The following FCHSD1 variants were observed in gnomAD, a reference collection of about 807,000 sequenced individuals.
The protein encoded by FCHSD1 is FCH and double SH3 domains 1.
FCHSD1 carries 109 observed loss-of-function variants against 101.3 expected under a neutral mutation model. The ratio of observed to expected loss-of-function variants is 1.08; its 90% CI spans 0.92 to 1.26. FCHSD1 has a LOEUF of 1.26. Ranked by LOEUF, FCHSD1 falls within the 50% of genes most tolerant of loss-of-function variation. The pLI, the probability that FCHSD1 is intolerant of heterozygous loss-of-function variation, is 0.00. For missense variants in FCHSD1, 820 were observed against 895.8 expected (o/e 0.92, Z 1.08); for synonymous variants, 291 against 356.8 (o/e 0.82, Z 2.08).
In FCHSD1 at chr5:141,640,061, G is replaced by A. The variant is rs1487509577; in HGVS notation, c.*1437C>T. 2.5e-6 allele frequency: 4 copies of A among 1,613,418 alleles called. No homozygotes were observed. The highest frequency in any genetic ancestry group is 1.7e-5 in the Admixed American group (1 of 59,986). ...CTGGGGGAGGGCAGCCCAAGGCAGG[G>A]ATGCCTGCCATGGAGAGGCTGCCCC... On this transcript the variant is annotated 3_prime_UTR_variant, in exon 20 of 20. Transcript: ENST00000435817.
intron 12 of FCHSD1, 63 bp downstream of exon 12, chr5:141,646,024 G>A (rs1396844351): frequency 1.1e-5 from 17 of 1,551,118 alleles, no homozygotes; most frequent in Non-Finnish European, 1.5e-5. Flanking sequence ...ATCAGAAAGA[G>A]GAGTAGAGGG....
In FCHSD1 at chr5:141,641,043, A is replaced by T; in HGVS notation, c.*455T>A. 3 of 346,990 alleles carry T rather than the reference A, an allele frequency of 8.6e-6. No homozygotes were observed. 21.5% of individuals were successfully genotyped at this position (346,990 alleles called of 1,614,324 possible). On this transcript the variant is annotated 3_prime_UTR_variant, in exon 20 of 20. Coordinates refer to ENST00000435817, the MANE Select transcript of FCHSD1 (RefSeq NM_033449.3). ...GCCTTCGTGCCCTTTATTCATTGTC[A>T]ATAAATCCGCTCAGACCATTACAGC...
chr5:141,650,897 G>A, intron 2 of FCHSD1, 123 bp downstream of exon 2: 1 of 897,134 alleles, frequency 1.1e-6, no homozygotes, highest in Non-Finnish European at 1.8e-6. Context: ...TAGGGTGAGG[G>A]CTGTGGATGG....
chr5:141,646,786 T>C (rs2099907722), intron 10 of FCHSD1, 64 bp from the exon 11 acceptor site: 10 of 1,566,200 alleles, frequency 6.4e-6, no homozygotes, highest in Non-Finnish European at 8.6e-6. Context: ...AGTTCCCTCC[T>C]TTTTCCACTC....
chr5:141,650,365 A>G lies in FCHSD1; in HGVS notation c.159T>C (p.Tyr53=). 1 of 1,613,934 alleles carries G rather than the reference A, an allele frequency of 6.2e-7. No individual in the cohort carries two copies. Among genetic ancestry groups the G allele is most frequent in the Non-Finnish European group, 8.5e-7 (1 of 1,179,890 alleles). Residue 53 remains tyrosine (Y), a synonymous_variant, in exon 3 of 20, where the codon TAT becomes TAC. Coordinates refer to ENST00000435817, the MANE Select transcript of FCHSD1 (RefSeq NM_033449.3). ...SKQRAAIERE[Y]GQALQKLAGP... ...CCAGAGAAAAGTCCCATACCTGCCC[A>G]TACTCCCGTTCAATGGCTGCCCTCT... is the stretch of plus-strand genomic sequence containing the variant.
chr5:141,650,420 G>A lies in FCHSD1; in HGVS notation c.120-16C>T, dbSNP rs541289455. 1.2e-6 allele frequency: 2 copies of A among 1,613,848 alleles called. No individual in the cohort carries two copies. Among genetic ancestry groups the A allele is most frequent in the Non-Finnish European group, 8.5e-7 (1 of 1,179,848 alleles). On this transcript the variant is annotated splice_polypyrimidine_tract_variant and intron_variant, in intron 2 of 19. Coordinates refer to ENST00000435817, the MANE Select transcript of FCHSD1 (RefSeq NM_033449.3). ...GCTGTAGGATCTGCGGAGATTGCAG[G>A]TCGGGGGTGAGGTGGGGGATAAGGT...
In FCHSD1 at chr5:141,644,220, G is replaced by T. The variant is rs370032857; in HGVS notation, c.1861C>A (p.Gln621Lys). The change falls in exon 17 of 20, where the codon CAG becomes AAG. Residue 621 changes from glutamine (Q) to lysine (K), a missense_variant and splice_region_variant. Physicochemically the swap from Gln to Lys is moderately conservative, Grantham distance 53. Transcript: ENST00000435817. ...TTCAGGGAGAAGGTAAGCCTCACCTGTTCAGGGTCAGAGAGTTCAGGTGGC... is the reference window on the plus strand; with the variant it reads ...TTCAGGGAGAAGGTAAGCCTCACCTTTTCAGGGTCAGAGAGTTCAGGTGGC... ...PGPPELSDPE[Q>K]MLPSPSPPSF... 6.4e-5 allele frequency: 103 copies of T among 1,609,866 alleles called. No individual in the cohort carries two copies. The highest frequency in any genetic ancestry group is 7.5e-5 in the Non-Finnish European group (88 of 1,178,090).
chr5:141,641,636 A>G (rs966479152), intron 19 of FCHSD1, 66 bp downstream of exon 19: 1 of 1,609,970 alleles, frequency 6.2e-7, no homozygotes, highest in Non-Finnish European at 8.5e-7. Context: ...TCAGCCCTGC[A>G]GACAAAACAG....
chr5:141,650,438 G>A, intron 2 of FCHSD1, 34 bp from the exon 3 acceptor site: 1 of 1,613,760 alleles, frequency 6.2e-7, no homozygotes, highest in Non-Finnish European at 8.5e-7. Context: ...TGAGGTGGGG[G>A]ATAAGGTTAT....
At chr5:141,648,881 T>G (rs1184771056) in intron 7 of FCHSD1, 76 bp downstream of exon 7, 6 of 1,533,370 alleles carry the variant, frequency 3.9e-6, no homozygotes, top group African/African-American at 2.7e-5. Flanking sequence ...TTCATACATA[T>G]GCACCTATGT....
At position 141,646,131 on chromosome 5, in the gene FCHSD1, C is replaced by G. The variant is rs959320821; in HGVS notation, c.1105G>C (p.Glu369Gln). 4 of 1,612,508 alleles carry G rather than the reference C, an allele frequency of 2.5e-6. No individual in the cohort carries two copies. The highest frequency in any genetic ancestry group is 3.4e-6 in the Non-Finnish European group (4 of 1,179,446). The part of the protein sequence containing the change: ...QASEREAPSI[E>Q]QRLQEVRESI... ...TCTCGCACTTCCTGTAACCTCTGTT[C>G]TATGCTTGGAGCCTCCCGCTCTGAA... The change falls in exon 12 of 20, where the codon GAA (glutamate) becomes CAA (glutamine). Residue 369 changes from glutamate (E) to glutamine (Q), a missense_variant. Transcript: ENST00000435817.
chr5:141,645,189 C>G (rs1163748331), intron 13 of FCHSD1, 41 bp from the exon 14 acceptor site: 20 of 1,516,090 alleles, frequency 1.3e-5, no homozygotes, highest in Non-Finnish European at 1.8e-5. Flanking sequence ...GGCCCACTCT[C>G]AAGCACTGGT....
chr5:141,648,881 T>A, intron 7 of FCHSD1, 76 bp downstream of exon 7: 1 of 1,533,488 alleles, frequency 6.5e-7, no homozygotes, highest in South Asian at 1.1e-5. Flanking sequence ...TTCATACATA[T>A]GCACCTATGT....
chr5:141,641,716 G>T lies in FCHSD1; in HGVS notation c.1993C>A (p.Pro665Thr), dbSNP rs564451342. ...DFPGFLDMMA[P>T]RLRPMRPPPP... Reference sequence around the variant, plus strand: ...AGGGCCCTTACCGGCCTGAGTCGAGGTGCCATCATGTCCAGGAACCCAGGG... The same window carrying T: ...AGGGCCCTTACCGGCCTGAGTCGAGTTGCCATCATGTCCAGGAACCCAGGG... The change falls in exon 19 of 20, where the codon CCT becomes ACT. Residue 665 changes from proline (P) to threonine (T), a missense_variant. By Grantham distance (38) the Pro-to-Thr change is conservative. Transcript: ENST00000435817. 1.2e-6 allele frequency: 2 copies of T among 1,614,058 alleles called. No homozygotes were observed. The highest frequency in any genetic ancestry group is 1.3e-5 in the African/African-American group (1 of 75,058).
At position 141,644,389 on chromosome 5, in the gene FCHSD1, C is replaced by T; in HGVS notation, c.1692G>A (p.Glu564=). The change falls in exon 17 of 20, where the codon GAG becomes GAA. Residue 564 remains glutamate, a synonymous_variant. Transcript: ENST00000435817. Reference sequence around the variant, plus strand: ...TGAGTGCCCCCTCAGGGAAGCTCAGCTCCTCTGCACTCTGTCCGGTGTAGC... The same window carrying T: ...TGAGTGCCCCCTCAGGGAAGCTCAGTTCCTCTGCACTCTGTCCGGTGTAGC... The part of the protein sequence containing the change: ...LYSYTGQSAE[E]LSFPEGALIR... The T allele has an allele frequency of 1.2e-6, 2 of 1,613,950 alleles. No homozygotes were observed. The highest frequency in any genetic ancestry group is 2.2e-5 in the South Asian group (2 of 91,082).
rs772634143 is a variant in FCHSD1, at chr5:141,647,482, G to A, written c.744C>T (p.Pro248=). 5.6e-6 allele frequency: 9 copies of A among 1,612,594 alleles called. No individual in the cohort carries two copies. Among genetic ancestry groups the A allele is most frequent in the Non-Finnish European group, 6.8e-6 (8 of 1,179,454 alleles). The change falls in exon 9 of 20, where the codon CCC becomes CCT. Residue 248 remains proline, a synonymous_variant. Transcript: ENST00000435817. Reference sequence around the variant, plus strand: ...GCTCAGTGTGGCTCAGGGAGGTCAGGGGGTCCCTCAAGTGCTCTGACAGCT... The same window carrying A: ...GCTCAGTGTGGCTCAGGGAGGTCAGAGGGTCCCTCAAGTGCTCTGACAGCT... ...VSELSEHLRD[P]LTSLSHTELE...
rs1467633732 is a variant in FCHSD1, at chr5:141,644,786, G to T, written c.1524+73C>A. On this transcript the variant is annotated intron_variant, in intron 15 of 19. Coordinates refer to ENST00000435817, the MANE Select transcript of FCHSD1 (RefSeq NM_033449.3). ...CAGGCTTCTAGCTTTGCCTAGAAGG[G>T]TCTATGGAGGCCACAGAGAAGTCCC... 5.0e-6 allele frequency: 8 copies of T among 1,600,584 alleles called. No homozygotes were observed. In the East Asian group the frequency reaches 1.3e-4, roughly 27 times the overall value.
At position 141,641,506 on chromosome 5, in the gene FCHSD1, G is replaced by A; in HGVS notation, c.2065C>T (p.Leu689Phe). ...KAPDPGHPDPLT is the reference protein window; with the variant it reads ...KAPDPGHPDPFT ...CAAGGCTTCCCTGGCCTTCAGGTGA[G>A]GGGATCTGGGTGGCCAGGATCCGGG... The change falls in exon 20 of 20, where the codon CTC becomes TTC. Residue 689 changes from leucine (L) to phenylalanine (F), a missense_variant. Physicochemically the swap from Leu to Phe is conservative, Grantham distance 22. Transcript: ENST00000435817. 1 of 1,497,536 alleles carries A rather than the reference G, an allele frequency of 6.7e-7. No individual in the cohort carries two copies. The highest frequency in any genetic ancestry group is 8.9e-7 in the Non-Finnish European group (1 of 1,124,030). 92.8% of individuals were successfully genotyped at this position (1,497,536 alleles called of 1,614,324 possible).
Position 141,640,696 on chromosome 5 carries a change from C to T in FCHSD1, c.*802G>A, listed in dbSNP as rs1448896833. ...TCTCCTTCATTGTGCTGATGGACTA[C>T]CAGCTGGCAGGGCCAGGGGGTGGGT... On this transcript the variant is annotated 3_prime_UTR_variant, in exon 20 of 20. Coordinates refer to ENST00000435817, the MANE Select transcript of FCHSD1 (RefSeq NM_033449.3). The T allele has an allele frequency of 2.0e-6, 3 of 1,533,856 alleles. No homozygotes were observed. The highest frequency in any genetic ancestry group is 4.9e-5 in the East Asian group (2 of 40,886).
Sources: gnomAD v4.1 joint callset for allele counts on GRCh38, gnomAD v4.1.1 for gene constraint, MANE v1.5 for transcripts, NCBI Gene and HGNC (gene_info 2026-07-23, HGNC 2026-07-21) for gene names.